Variants in GPRC5C observed in about 807,000 individuals in gnomAD.
GPRC5C encodes the protein G protein-coupled receptor class C group 5 member C.
A neutral mutation model predicts 31.4 loss-of-function variants in GPRC5C; 22 were observed. That is an observed-to-expected ratio of 0.70 (90% confidence interval 0.50 to 1.00). The LOEUF (loss-of-function observed/expected upper bound fraction) is 1.00. GPRC5C is among the 50% of genes least tolerant of loss of function. GPRC5C has a pLI of 0.00. For missense variants in GPRC5C, 557 were observed against 597.2 expected (o/e 0.93, Z 0.70); for synonymous variants, 249 against 257.5 (o/e 0.97, Z 0.32).
At chr17:74,436,782 C>T (rs955640302) in intron 1 of GPRC5C, among the ~76,000 whole-genome samples, 1 of 152,218 alleles carries the variant, frequency 6.6e-6, no homozygotes, top group African/African-American at 2.4e-5. Flanking sequence ...GGGTTCTCTT[C>T]CCTACGTCCA....
At chr17:74,437,964 C>T (rs1362690928) in intron 1 of GPRC5C, among the ~76,000 whole-genome samples, 5 of 151,920 alleles carry the variant, frequency 3.3e-5, no homozygotes, top group South Asian at 4.1e-4. Flanking sequence ...ATGTGGACTA[C>T]CTGCATTCAT....
intron 1 of GPRC5C, among the ~76,000 whole-genome samples, chr17:74,438,244 T>G: frequency 8.4e-6 from 1 of 118,642 alleles, no homozygotes; most frequent in Admixed American, 8.0e-5. Flanking sequence ...TATATATATA[T>G]ATATATATTT....
chr17:74,434,946 G>A (rs1454845091), intron 1 of GPRC5C, among the ~76,000 whole-genome samples: 4 of 151,590 alleles, frequency 2.6e-5, no homozygotes, highest in Non-Finnish European at 4.4e-5. Flanking sequence ...AAGGCTGGGC[G>A]CAGTGGCTCA....
intron 2 of GPRC5C, among the ~76,000 whole-genome samples, chr17:74,441,436 A>G (rs1443318765): frequency 2.6e-5 from 4 of 152,128 alleles, no homozygotes; most frequent in Admixed American, 2.6e-4. Flanking sequence ...AGTGACCACT[A>G]TTGACTGATA....
At chr17:74,451,473 C>T (rs2055712567), downstream of GPRC5C, 1 of 152,162 alleles carries the variant, frequency 6.6e-6, no homozygotes, top group Non-Finnish European at 1.5e-5. Context: ...GGTCGAGTGG[C>T]ATCACAAACA....
chr17:74,443,692 A>C, intron 2 of GPRC5C, 126 bp from the exon 3 acceptor site: 1 of 801,108 alleles, frequency 1.2e-6, no homozygotes, highest in Non-Finnish European at 2.2e-6. Flanking sequence ...GTTAGAGACT[A>C]TGCCAGGGTT....
intron 3 of GPRC5C, among the ~76,000 whole-genome samples, chr17:74,444,507 C>T (rs191734343): frequency 1.3e-5 from 2 of 152,298 alleles, no homozygotes; most frequent in Admixed American, 6.5e-5. Flanking sequence ...TGTGTTCCTC[C>T]TCCCGGCTGG....
chr17:74,446,879 C>T lies in GPRC5C; in HGVS notation c.1177C>T (p.Arg393Trp), dbSNP rs1309107781. 14 of 1,613,528 alleles carry T rather than the reference C, an allele frequency of 8.7e-6. No homozygotes were observed. Among genetic ancestry groups the T allele is most frequent in the Admixed American group, 8.3e-5 (5 of 60,000 alleles). Residue 393 changes from arginine to tryptophan, a missense_variant, in exon 4 of 4, where the codon CGG becomes TGG. Transcript: ENST00000392627. ...SEGAYDIILP[R>W]ATANSQVMGS... ...AGGAGCTTACGACATCATCCTCCCA[C>T]GGGCCACCGCCAACAGCCAGGTGAT... is the stretch of plus-strand genomic sequence containing the variant.
In GPRC5C at chr17:74,440,694, C is replaced by T. The variant is rs1260595038; in HGVS notation, c.918C>T (p.Ser306=). ...VIPEVSQVTK[S]SPEQSYQGDM... Reference sequence around the variant, plus strand: ...CCGAGGTCTCCCAGGTGACCAAGTCCAGCCCAGAGCAAAGCTACCAGGGGG... The same window carrying T: ...CCGAGGTCTCCCAGGTGACCAAGTCTAGCCCAGAGCAAAGCTACCAGGGGG... The change falls in exon 2 of 4, where the codon TCC becomes TCT. Residue 306 remains serine, a synonymous_variant. Transcript: ENST00000392627. The surrounding 1 kb of genome is among the most constrained non-coding windows in gnomAD (Gnocchi z 4.4). 1.2e-6 allele frequency: 2 copies of T among 1,607,730 alleles called. No homozygotes were observed. The highest frequency in any genetic ancestry group is 1.7e-6 in the Non-Finnish European group (2 of 1,175,134).
intron 1 of GPRC5C, among the ~76,000 whole-genome samples, chr17:74,437,222 G>A (rs1228690509): frequency 6.6e-6 from 1 of 152,102 alleles, no homozygotes; most frequent in Non-Finnish European, 1.5e-5. Flanking sequence ...ATGAGCCACC[G>A]CACCCAGCCT....
intron 1 of GPRC5C, among the ~76,000 whole-genome samples, chr17:74,438,590 G>T (rs1598428614): frequency 6.6e-6 from 1 of 151,204 alleles, no homozygotes; most frequent in Non-Finnish European, 1.5e-5. Flanking sequence ...ATAGAGACGG[G>T]GTTTCACCAT....
intron 1 of GPRC5C, among the ~76,000 whole-genome samples, chr17:74,435,056 A>G (rs2055413441): frequency 6.6e-6 from 1 of 151,160 alleles, no homozygotes; most frequent in South Asian, 2.1e-4. Context: ...CGTCTCTACT[A>G]AAAATAGAAA....
At chr17:74,442,477 C>G (rs1198466153) in intron 2 of GPRC5C, among the ~76,000 whole-genome samples, 2 of 152,210 alleles carry the variant, frequency 1.3e-5, no homozygotes, top group African/African-American at 4.8e-5. Context: ...CCTCAGCCTG[C>G]TGGCTGCAGC....
Position 74,440,569 on chromosome 17 carries a change from T to A in GPRC5C, c.793T>A (p.Tyr265Asn). ...IWVVWIVMYTYGNKQHNSPTW... is the reference protein window; with the variant it reads ...IWVVWIVMYTNGNKQHNSPTW... Reference sequence around the variant, plus strand: ...GGTGGTGTGGATCGTCATGTATACTTACGGCAACAAGCAGCACAACAGTCC... The same window carrying A: ...GGTGGTGTGGATCGTCATGTATACTAACGGCAACAAGCAGCACAACAGTCC... The change falls in exon 2 of 4, where the codon TAC (tyrosine) becomes AAC (asparagine). Residue 265 changes from tyrosine (Y) to asparagine (N), a missense_variant. By Grantham distance (143) the Tyr-to-Asn change is moderately radical (BLOSUM62 -2). Coordinates refer to ENST00000392627, the MANE Select transcript of GPRC5C (RefSeq NM_022036.4). This position sits in a 1 kb window ranked among gnomAD's most constrained non-coding sequence, Gnocchi z 4.4. 6.2e-7 allele frequency: 1 copy of A among 1,614,076 alleles called. No individual in the cohort carries two copies. The highest frequency in any genetic ancestry group is 8.5e-7 in the Non-Finnish European group (1 of 1,179,992).
Position 74,432,123 on chromosome 17 carries a change from G to T in GPRC5C, c.-51G>T, listed in dbSNP as rs1027760813. 3 of 1,613,278 alleles carry T rather than the reference G, an allele frequency of 1.9e-6. No homozygotes were observed. Among genetic ancestry groups the T allele is most frequent in the African/African-American group, 2.7e-5 (2 of 75,052 alleles). ...ATCTCCCTCACCAGCCGGAAAGTAC[G>T]AGTCGGCTCAGCCTGGAGGTGAGTC... On this transcript the variant is annotated 5_prime_UTR_variant, in exon 1 of 4. Transcript: ENST00000392627.
intron 1 of GPRC5C, among the ~76,000 whole-genome samples, chr17:74,435,505 G>T (rs1235715419): frequency 6.7e-6 from 1 of 149,172 alleles, no homozygotes; most frequent in Non-Finnish European, 1.5e-5. Flanking sequence ...AAAAGCAGCA[G>T]CCTGGCTGCT....
At chr17:74,432,522 A>G in intron 1 of GPRC5C, 7 of 1,006,102 alleles carry the variant, frequency 7.0e-6, no homozygotes, top group Non-Finnish European at 8.3e-6. Context: ...GGCGAGTCCC[A>G]GGTAAGGGCT....
In GPRC5C at chr17:74,447,326, T is replaced by C. The variant is rs2055657363; in HGVS notation, c.*298T>C. 1.8e-6 allele frequency: 2 copies of C among 1,129,452 alleles called. No individual in the cohort carries two copies. The highest frequency in any genetic ancestry group is 1.6e-5 in the African/African-American group (1 of 62,296). 70.0% of individuals were successfully genotyped at this position (1,129,452 alleles called of 1,614,324 possible). A position where few individuals can be genotyped will look rare whatever the true frequency, so the allele number is the denominator to read the frequency against. On this transcript the variant is annotated 3_prime_UTR_variant, in exon 4 of 4. Transcript: ENST00000392627. ...TGGCTGGGCAGCGCCTATGTTTCTC[T>C]GGAGATTCCTGCAACCTCAAGAGAC...
intron 1 of GPRC5C, among the ~76,000 whole-genome samples, chr17:74,434,979 G>A (rs2055411832): frequency 6.6e-6 from 1 of 152,048 alleles, no homozygotes; most frequent in African/African-American, 2.4e-5. Flanking sequence ...CAGCACTTTG[G>A]GAGGCCGAAG....
Sources: allele counts gnomAD v4.1 joint callset (sites outside exome capture counted in the v4.1 genomes callset), GRCh38; gene constraint gnomAD v4.1.1; non-coding constraint Gnocchi (gnomAD v3.1); transcripts MANE v1.5; gene names NCBI Gene and HGNC (gene_info 2026-07-23, HGNC 2026-07-21).